The following ASCC3 variants were observed in gnomAD, a reference collection of about 807,000 sequenced individuals.
ASCC3 encodes the protein ASC-1 complex subunit P200.
In ASCC3, 158 loss-of-function variants were observed where a neutral mutation model predicts 256.3. That is an observed-to-expected ratio of 0.62 (90% confidence interval 0.54 to 0.70). The LOEUF is 0.70. Among genes scored for constraint, ASCC3 ranks in the 30% least tolerant of loss-of-function variants. ASCC3 has a pLI of 0.00. For missense variants in ASCC3, 2,259 were observed against 2,626.0 expected, an observed-to-expected ratio of 0.86 and a Z score of 3.05; for synonymous variants, 948 against 883.4, an observed-to-expected ratio of 1.07 and a Z score of -1.30.
intron 30 of ASCC3, among the ~76,000 whole-genome samples, chr6:100,607,993 C>T (rs1459781795): frequency 7.2e-6 from 1 of 139,562 alleles, no homozygotes; most frequent in Non-Finnish European, 1.5e-5. Flanking sequence ...CGATATTAAC[C>T]CCTTGTCCAT....
chr6:100,598,290 G>A (rs1295390449), intron 34 of ASCC3, among the ~76,000 whole-genome samples: 1 of 152,102 alleles, frequency 6.6e-6, no homozygotes, highest in East Asian at 1.9e-4. Context: ...GTCAATGCAT[G>A]AAGACAATTT....
chr6:100,518,175 T>G (rs940188841), intron 37 of ASCC3, 33 bp from the exon 38 acceptor site: 10 of 1,611,960 alleles, frequency 6.2e-6, no homozygotes, highest in Non-Finnish European at 8.5e-6. Context: ...TTACAAGAAT[T>G]ATATCATGGT....
At chr6:100,797,783 TCTA>T (rs1769705304) in intron 8 of ASCC3, among the ~76,000 whole-genome samples, 4 of 152,134 alleles carry the variant, frequency 2.6e-5, no homozygotes, top group Non-Finnish European at 1.5e-5. Context: ...AGAATTTTAT[TCTA>T]CTCTAAGAAC....
chr6:100,728,558 C>T (rs185357802), intron 10 of ASCC3, among the ~76,000 whole-genome samples: 81 of 151,958 alleles, frequency 5.3e-4, no homozygotes, highest in African/African-American at 1.9e-3. Flanking sequence ...ATTTTTATTG[C>T]TGTATAATTT....
intron 10 of ASCC3, among the ~76,000 whole-genome samples, chr6:100,751,093 G>A (rs999260695): frequency 7.9e-5 from 12 of 151,988 alleles, no homozygotes; most frequent in African/African-American, 2.9e-4. Flanking sequence ...AAATTGAATA[G>A]CCCTTAGACT....
intron 10 of ASCC3, among the ~76,000 whole-genome samples, chr6:100,763,002 T>G (rs1407709581): frequency 6.6e-6 from 1 of 152,172 alleles, no homozygotes; most frequent in Non-Finnish European, 1.5e-5. Context: ...GAAACTTATT[T>G]ACCAAAAATA....
At chr6:100,875,184 C>T (rs1469809676) in intron 1 of ASCC3, among the ~76,000 whole-genome samples, 2 of 151,978 alleles carry the variant, frequency 1.3e-5, no homozygotes, top group East Asian at 1.9e-4. Context: ...GCCAGGGAAA[C>T]ACATAAAAGG....
At chr6:100,808,690 ATT>A (rs1038736847) in intron 4 of ASCC3, among the ~76,000 whole-genome samples, 6 of 151,932 alleles carry the variant, frequency 3.9e-5, no homozygotes, top group African/African-American at 1.4e-4. Context: ...TTCTATTATT[ATT>A]GTTATTTTAA....
intron 14 of ASCC3, among the ~76,000 whole-genome samples, chr6:100,667,703 T>A (rs17060844): frequency 0.027 from 4,147 of 152,172 alleles, 191 homozygotes; most frequent in African/African-American, 0.097. Flanking sequence ...CTTATCTTGG[T>A]GCACTGAATA....
intron 19 of ASCC3, among the ~76,000 whole-genome samples, chr6:100,651,013 T>A (rs1374597193): frequency 6.6e-6 from 1 of 151,824 alleles, no homozygotes; most frequent in Non-Finnish European, 1.5e-5. Context: ...CATCCTTGAA[T>A]TGATGAGATT....
rs72947047 is a variant in ASCC3 at position 100,811,758 on chromosome 6, G to T, written c.802-5878C>A. On this transcript the variant is annotated intron_variant, in intron 4 of 41. Transcript: ENST00000369162. Reference sequence around the variant, plus strand: ...CTAAGATTGTGGTGAACAACAACTAGAAAAAAGAGTCATAGATTGAAGGAC... The same window carrying T: ...CTAAGATTGTGGTGAACAACAACTATAAAAAAGAGTCATAGATTGAAGGAC... 8.4e-3 allele frequency among the ~76,000 whole-genome samples: 1,285 copies of T among 152,138 alleles called. 21 individuals carry two copies. Among genetic ancestry groups the T allele is most frequent in the South Asian group, 0.041 (197 of 4,818 alleles).
At chr6:100,592,085 A>G (rs1368464392) in intron 34 of ASCC3, among the ~76,000 whole-genome samples, 1 of 151,594 alleles carries the variant, frequency 6.6e-6, no homozygotes, top group Admixed American at 6.6e-5. Flanking sequence ...TGTGGTTTTC[A>G]TCCAGATAAA....
intron 11 of ASCC3, 49 bp downstream of exon 11, chr6:100,725,490 A>G (rs533391577): frequency 1.3e-6 from 2 of 1,586,260 alleles, no homozygotes; most frequent in South Asian, 2.2e-5. Flanking sequence ...TTTAAGTTGA[A>G]AAACATATTT....
chr6:100,754,867 A>T (rs1420448596), intron 10 of ASCC3, among the ~76,000 whole-genome samples: 1 of 152,016 alleles, frequency 6.6e-6, no homozygotes, highest in Non-Finnish European at 1.5e-5. Context: ...ACGAGATTTG[A>T]TGGTTTTATA....
chr6:100,733,766 A>C (rs865945305), intron 10 of ASCC3, among the ~76,000 whole-genome samples: 3 of 152,174 alleles, frequency 2.0e-5, no homozygotes, highest in African/African-American at 7.2e-5. Flanking sequence ...AACCTCTTGA[A>C]AGCAATTTTG....
At chr6:100,812,248 T>C (rs1770506904) in intron 4 of ASCC3, among the ~76,000 whole-genome samples, 1 of 152,186 alleles carries the variant, frequency 6.6e-6, no homozygotes, top group Non-Finnish European at 1.5e-5. Flanking sequence ...AAAATGTTCA[T>C]TTTCTAATGA....
chr6:100,770,800 A>C (rs971614548), intron 8 of ASCC3, among the ~76,000 whole-genome samples: 6 of 151,896 alleles, frequency 4.0e-5, no homozygotes, highest in African/African-American at 1.4e-4. Flanking sequence ...ACACTGAAAA[A>C]TATTCTATTT....
chr6:100,879,827 T>C (rs1376984514), intron 1 of ASCC3, among the ~76,000 whole-genome samples: 2 of 152,216 alleles, frequency 1.3e-5, no homozygotes, highest in African/African-American at 4.8e-5. Context: ...TAAAGCAAGA[T>C]CATCTGTTCC....
chr6:100,766,596 T>G lies in ASCC3; in HGVS notation c.1706A>C (p.Gln569Pro). ...TCGTAAAATTTCACTTTTGGACAAC[T>G]GCATGTCACCAGTCAATTCTTTCAC... ...IIVKELTGDM[Q>P]LSKSEILRTQ... Residue 569 changes from glutamine (Q) to proline (P), a missense_variant, in exon 10 of 42, where the codon CAG becomes CCG. By Grantham distance (76) the Gln-to-Pro change is moderately conservative. Transcript: ENST00000369162. 1 of 1,614,102 alleles carries G rather than the reference T, an allele frequency of 6.2e-7. No homozygotes were observed. Among genetic ancestry groups the G allele is most frequent in the South Asian group, 1.1e-5 (1 of 91,084 alleles).
Sources: gnomAD v4.1 joint callset for allele counts (sites outside exome capture counted in the v4.1 genomes callset) on GRCh38, gnomAD v4.1.1 for gene constraint, MANE v1.5 for transcripts, NCBI Gene and HGNC (gene_info 2026-07-23, HGNC 2026-07-21) for gene names.